Variants in EFHC2 observed in about 807,000 individuals in gnomAD.
EFHC2 encodes EF-hand domain containing 2.
EFHC2 carries 18 observed loss-of-function variants against 52.7 expected under a neutral mutation model. The ratio of observed to expected loss-of-function variants is 0.34; its 90% CI spans 0.24 to 0.51. The LOEUF (loss-of-function observed/expected upper bound fraction) is 0.51. EFHC2 is among the 20% of genes least tolerant of loss of function. EFHC2 has a pLI of 0.97. For synonymous variants in EFHC2, 203 were observed against 204.1 expected (o/e 0.99, Z 0.04); for missense variants, 513 against 562.5 (o/e 0.91, Z 0.89).
chrX:44,167,641 T>C (rs2036706238), intron 13 of EFHC2, among the ~76,000 whole-genome samples: 1 of 111,961 alleles, frequency 8.9e-6, no homozygotes, highest in Non-Finnish European at 1.9e-5. Context: ...CTTGAACGAG[T>C]TCATCTTTCC....
At chrX:44,236,802 C>T (rs2037323802) in intron 8 of EFHC2, among the ~76,000 whole-genome samples, 1 of 111,478 alleles carries the variant, frequency 9.0e-6, no homozygotes, top group Admixed American at 9.5e-5. Context: ...TGTCAACCAT[C>T]TTCTCTGGTA....
chrX:44,325,634 A>T (rs186954214), intron 1 of EFHC2, among the ~76,000 whole-genome samples: 2 of 109,107 alleles, frequency 1.8e-5, no homozygotes, highest in South Asian at 8.1e-4. Context: ...GGCTATAGTC[A>T]TCTACATCAG....
chrX:44,191,675 T>C (rs1417445178), intron 11 of EFHC2, among the ~76,000 whole-genome samples: 1 of 112,253 alleles, frequency 8.9e-6, no homozygotes, highest in Non-Finnish European at 1.9e-5. Flanking sequence ...TTCGTTTATC[T>C]CAATTAGCCT....
At chrX:44,339,084 AGGAGG>A (rs1181787374) in intron 1 of EFHC2, among the ~76,000 whole-genome samples, 1 of 110,744 alleles carries the variant, frequency 9.0e-6, no homozygotes, top group African/African-American at 3.3e-5. Flanking sequence ...CCAGCTACTC[AGGAGG>A]CTGAGGCAGG....
At chrX:44,279,393 CAG>C (rs1163938489) in intron 2 of EFHC2, among the ~76,000 whole-genome samples, 1 of 110,681 alleles carries the variant, frequency 9.0e-6, no homozygotes, top group Non-Finnish European at 1.9e-5. Flanking sequence ...ATAAGAAAAA[CAG>C]AAAGCAAAAA....
chrX:44,342,854 C>A (rs1232846100), intron 1 of EFHC2, among the ~76,000 whole-genome samples: 2 of 84,141 alleles, frequency 2.4e-5, no homozygotes, highest in African/African-American at 1.1e-4. Context: ...CCAGCCTGGG[C>A]GACAGAGCGA....
intron 14 of EFHC2, among the ~76,000 whole-genome samples, chrX:44,162,177 C>T (rs2036660313): frequency 8.9e-6 from 1 of 111,818 alleles, no homozygotes; most frequent in Admixed American, 9.5e-5. Context: ...AATCCCAGCA[C>T]TTTGGGAGGT....
intron 11 of EFHC2, among the ~76,000 whole-genome samples, chrX:44,210,141 G>A (rs997936498): frequency 6.3e-5 from 7 of 111,341 alleles, no homozygotes; most frequent in African/African-American, 2.3e-4. Context: ...CATGAAACCG[G>A]CCCCTGGTGC....
rs1481642602 is a variant in EFHC2, at chrX:44,236,537, C to A, written c.1281-1090G>T. On this transcript the variant is annotated intron_variant, in intron 8 of 14. Coordinates refer to ENST00000420999, the MANE Select transcript of EFHC2 (RefSeq NM_025184.4). The stretch of plus-strand genomic sequence containing the variant: ...TGTTCACAGTGATTTAAAAAATAAA[C>A]CAAGTATTTCTGATTTGCAGAGGCA... Among the ~76,000 whole-genome samples, 3 of 112,395 alleles carry A rather than the reference C, an allele frequency of 2.7e-5. No individual in the cohort carries two copies. In the Admixed American group the frequency reaches 2.8e-4, roughly 11 times the overall value.
intron 11 of EFHC2, among the ~76,000 whole-genome samples, chrX:44,181,734 G>C (rs2036836847): frequency 8.9e-6 from 1 of 112,608 alleles, no homozygotes; most frequent in Non-Finnish European, 1.9e-5. Flanking sequence ...CTGTGTGGCT[G>C]CTGTGCCCAC....
chrX:44,331,460 T>C (rs1280188602), intron 1 of EFHC2, among the ~76,000 whole-genome samples: 1 of 111,904 alleles, frequency 8.9e-6, no homozygotes, highest in Non-Finnish European at 1.9e-5. Context: ...GACTGTTTTA[T>C]ACCTTTACTG....
chrX:44,231,389 GC>G (rs1477612440), intron 10 of EFHC2, among the ~76,000 whole-genome samples: 5 of 111,698 alleles, frequency 4.5e-5, no homozygotes, highest in African/African-American at 1.6e-4. Context: ...GTGCTCTGGG[GC>G]TCCCCATCAG....
At chrX:44,175,397 G>A (rs2036778649) in intron 13 of EFHC2, among the ~76,000 whole-genome samples, 1 of 111,392 alleles carries the variant, frequency 9.0e-6, no homozygotes, top group African/African-American at 3.3e-5. Flanking sequence ...TAAGGAGGAG[G>A]TAGAACTGTC....
At chrX:44,208,704 C>T (rs2037068270) in intron 11 of EFHC2, among the ~76,000 whole-genome samples, 1 of 111,618 alleles carries the variant, frequency 9.0e-6, no homozygotes, top group Non-Finnish European at 1.9e-5. Flanking sequence ...AATCAAAATA[C>T]AATCACCTTT....
rs1323608100 is a variant in EFHC2 at position 44,306,851 on chromosome X, G to A, written c.231+5717C>T. On this transcript the variant is annotated intron_variant, in intron 2 of 14. Transcript: ENST00000420999. Reference sequence around the variant, plus strand: ...TCTTGGGAGAAACCTGTAAGGGAGTGAGGGAAGCAGCAAAGGAAAGGGAAA... The same window carrying A: ...TCTTGGGAGAAACCTGTAAGGGAGTAAGGGAAGCAGCAAAGGAAAGGGAAA... Among the ~76,000 whole-genome samples the A allele has an allele frequency of 2.7e-5, 3 of 112,177 alleles. No homozygotes were observed. In the Admixed American group the frequency reaches 2.8e-4, roughly 11 times the overall value.
chrX:44,179,260 T>C (rs1450243482), intron 11 of EFHC2, among the ~76,000 whole-genome samples: 1 of 111,358 alleles, frequency 9.0e-6, no homozygotes, highest in Non-Finnish European at 1.9e-5. Context: ...TAACTCTGTA[T>C]GAAAGCCATA....
intron 3 of EFHC2, among the ~76,000 whole-genome samples, chrX:44,270,621 A>T: frequency 9.0e-6 from 1 of 111,594 alleles, no homozygotes; most frequent in Non-Finnish European, 1.9e-5. Context: ...AGGCACCTGG[A>T]CTCTAAATAT....
intron 11 of EFHC2, among the ~76,000 whole-genome samples, chrX:44,221,182 T>A (rs930211825): frequency 9.0e-6 from 1 of 111,647 alleles, no homozygotes; most frequent in African/African-American, 3.3e-5. Flanking sequence ...TTAATGTTAA[T>A]CCCCTGGCTC....
chrX:44,334,470 T>TTTTG (rs755935100), intron 1 of EFHC2, among the ~76,000 whole-genome samples: 2 of 111,935 alleles, frequency 1.8e-5, no homozygotes, highest in East Asian at 5.6e-4. Context: ...TTATTTGCCT[T>TTTTG]TTTGTTTGTT....
Sources: allele counts gnomAD v4.1 joint callset (sites outside exome capture counted in the v4.1 genomes callset), GRCh38; gene constraint gnomAD v4.1.1; transcripts MANE v1.5; gene names NCBI Gene and HGNC (gene_info 2026-07-23, HGNC 2026-07-21).